The following GOLGA5 variants were observed in gnomAD, a reference collection of about 807,000 sequenced individuals.
GOLGA5 encodes golgin A5.
In GOLGA5, 50 loss-of-function variants were observed where a neutral mutation model predicts 93.5. The ratio of observed to expected loss-of-function variants is 0.53; its 90% CI spans 0.43 to 0.68. The LOEUF is 0.68. GOLGA5 is among the 30% of genes least tolerant of loss of function. GOLGA5 has a pLI of 0.00. For missense variants in GOLGA5, 760 were observed against 856.4 expected (o/e 0.89, Z 1.40); for synonymous variants, 312 against 304.5 (o/e 1.02, Z -0.26).
intron 1 of GOLGA5, among the ~76,000 whole-genome samples, chr14:92,795,944 C>T (rs1453259783): frequency 1.1e-4 from 17 of 152,172 alleles, no homozygotes; most frequent in Non-Finnish European, 2.9e-5. Context: ...TATTATAGAG[C>T]CCTTCTGTAT....
At chr14:92,806,415 T>C (rs1198140959) in intron 2 of GOLGA5, among the ~76,000 whole-genome samples, 1 of 152,148 alleles carries the variant, frequency 6.6e-6, no homozygotes, top group African/African-American at 2.4e-5. Flanking sequence ...CAGGCTCAAG[T>C]GATTCTCCTG....
intron 1 of GOLGA5, among the ~76,000 whole-genome samples, chr14:92,796,277 A>G (rs1439751450): frequency 1.3e-5 from 2 of 152,152 alleles, no homozygotes; most frequent in Non-Finnish European, 2.9e-5. Context: ...CATATTGGTT[A>G]TTTGCTGTTT....
intron 2 of GOLGA5, among the ~76,000 whole-genome samples, chr14:92,802,088 A>G (rs1884885729): frequency 6.6e-6 from 1 of 152,178 alleles, no homozygotes; most frequent in Admixed American, 6.6e-5. Context: ...TTTATTGGGA[A>G]TTAATTGCTT....
At chr14:92,818,981 A>G (rs1196665952) in intron 7 of GOLGA5, among the ~76,000 whole-genome samples, 1 of 152,238 alleles carries the variant, frequency 6.6e-6, no homozygotes, top group Non-Finnish European at 1.5e-5. Flanking sequence ...ATTATATGCC[A>G]ACTTCTGGTG....
At position 92,797,473 on chromosome 14, in the gene GOLGA5, A is replaced by G; in HGVS notation, c.36A>G (p.Glu12=). The change falls in exon 2 of 13, where the codon GAA becomes GAG. Residue 12 remains glutamate, a synonymous_variant. Coordinates refer to ENST00000163416, the MANE Select transcript of GOLGA5 (RefSeq NM_005113.4). The stretch of plus-strand genomic sequence containing the variant: ...TTGTTGATCTTGCTGGAAAGGCAGA[A>G]GATCTTTTAAACCGAGTTGATCAAG... ...SWFVDLAGKA[E]DLLNRVDQGA... 4 of 1,611,164 alleles carry G rather than the reference A, an allele frequency of 2.5e-6. No individual in the cohort carries two copies. The highest frequency in any genetic ancestry group is 3.4e-6 in the Non-Finnish European group (4 of 1,179,124).
chr14:92,810,974 A>C (rs1234522511), intron 5 of GOLGA5, among the ~76,000 whole-genome samples: 1 of 152,258 alleles, frequency 6.6e-6, no homozygotes, highest in African/African-American at 2.4e-5. Flanking sequence ...GGTCTGGGCT[A>C]GCTTTTCAAC....
intron 2 of GOLGA5, among the ~76,000 whole-genome samples, chr14:92,798,721 G>A (rs1884794278): frequency 6.6e-6 from 1 of 152,286 alleles, no homozygotes; most frequent in East Asian, 1.9e-4. Flanking sequence ...TTTGAGACCA[G>A]CCTAAACAAC....
At chr14:92,817,348 G>A (rs918540489) in intron 7 of GOLGA5, among the ~76,000 whole-genome samples, 2 of 152,192 alleles carry the variant, frequency 1.3e-5, no homozygotes, top group African/African-American at 4.8e-5. Context: ...TTTGGAATTA[G>A]AACAGGGTCT....
At chr14:92,831,964 G>C (rs996262561) in intron 9 of GOLGA5, among the ~76,000 whole-genome samples, 2 of 152,218 alleles carry the variant, frequency 1.3e-5, no homozygotes, top group Non-Finnish European at 2.9e-5. Flanking sequence ...GGAAATGTCA[G>C]AGCTGGGGTT....
chr14:92,803,889 G>A (rs1277316204), intron 2 of GOLGA5, among the ~76,000 whole-genome samples: 1 of 152,138 alleles, frequency 6.6e-6, no homozygotes, highest in Non-Finnish European at 1.5e-5. Context: ...TAAACTGCAC[G>A]ATAAGTATTG....
At position 92,811,581 on chromosome 14, in the gene GOLGA5, G is replaced by C. The variant is rs1201328565; in HGVS notation, c.1147G>C (p.Glu383Gln). 2 of 1,613,172 alleles carry C rather than the reference G, an allele frequency of 1.2e-6. No individual in the cohort carries two copies. Reference protein sequence around the residue: ...SEFAARLNKVEMERQNLAEAI... With the variant: ...SEFAARLNKVQMERQNLAEAI... ...GTTTGCTGCACGCCTTAATAAAGTG[G>C]AAATGGAACGTCAGAATTTAGCAGA... The change falls in exon 6 of 13, where the codon GAA becomes CAA. Residue 383 changes from glutamate to glutamine, a missense_variant. Glu to Gln is a conservative substitution (Grantham distance 29, BLOSUM62 2). Coordinates refer to ENST00000163416, the MANE Select transcript of GOLGA5 (RefSeq NM_005113.4).
intron 2 of GOLGA5, among the ~76,000 whole-genome samples, chr14:92,805,362 T>C (rs575291771): frequency 1.9e-4 from 29 of 152,366 alleles, no homozygotes; most frequent in African/African-American, 7.0e-4. Context: ...TACTCTATTA[T>C]ACGGCTGTAC....
intron 9 of GOLGA5, among the ~76,000 whole-genome samples, chr14:92,827,208 G>T (rs1201117064): frequency 1.3e-5 from 2 of 152,202 alleles, no homozygotes; most frequent in Non-Finnish European, 2.9e-5. Context: ...CTTTATTGCA[G>T]TTTGCAGATA....
At chr14:92,798,273 T>G (rs1176333176) in intron 2 of GOLGA5, among the ~76,000 whole-genome samples, 2 of 152,192 alleles carry the variant, frequency 1.3e-5, no homozygotes, top group African/African-American at 4.8e-5. Flanking sequence ...AAAAGAAAAT[T>G]TTGAAATCTG....
intron 9 of GOLGA5, 23 bp from the exon 10 acceptor site, chr14:92,833,099 T>C: frequency 7.6e-7 from 1 of 1,314,622 alleles, no homozygotes; most frequent in Non-Finnish European, 1.1e-6. Flanking sequence ...ATGTAAGAAT[T>C]TTGTGAACAC....
At chr14:92,796,535 G>A (rs1216180937) in intron 1 of GOLGA5, among the ~76,000 whole-genome samples, 1 of 152,058 alleles carries the variant, frequency 6.6e-6, no homozygotes, top group South Asian at 2.1e-4. Flanking sequence ...TTGATTAGGG[G>A]CCACCCTGAC....
intron 5 of GOLGA5, 137 bp downstream of exon 5, chr14:92,810,514 A>C (rs976722353): frequency 1.8e-6 from 1 of 567,198 alleles, no homozygotes; most frequent in African/African-American, 2.0e-5. Context: ...GACAAAAATC[A>C]GATATTTGAA....
At chr14:92,810,944 A>T (rs1414266183) in intron 5 of GOLGA5, among the ~76,000 whole-genome samples, 1 of 152,252 alleles carries the variant, frequency 6.6e-6, no homozygotes, top group African/African-American at 2.4e-5. Context: ...TCTAATGAGC[A>T]GTCAGGGTTG....
intron 6 of GOLGA5, among the ~76,000 whole-genome samples, chr14:92,814,068 G>C (rs192786209): frequency 2.6e-5 from 4 of 152,062 alleles, no homozygotes; most frequent in Non-Finnish European, 5.9e-5. Context: ...AGAGTATGAC[G>C]AATTATGGTA....
Sources: gnomAD v4.1 joint callset for allele counts (sites outside exome capture counted in the v4.1 genomes callset) on GRCh38, gnomAD v4.1.1 for gene constraint, MANE v1.5 for transcripts, NCBI Gene and HGNC (gene_info 2026-07-23, HGNC 2026-07-21) for gene names.